Variants in PIP5K1C observed in about 807,000 individuals in gnomAD.
PIP5K1C encodes the protein phosphatidylinositol-4-phosphate 5-kinase type 1 gamma, also known as phosphatidylinositol 4-phosphate 5-kinase type-1 gamma.
PIP5K1C carries 45 observed loss-of-function variants against 80.1 expected under a neutral mutation model. The ratio of observed to expected loss-of-function variants is 0.56; its 90% CI spans 0.44 to 0.72. The LOEUF (loss-of-function observed/expected upper bound fraction) is 0.72. Among genes scored for constraint, PIP5K1C ranks in the 30% least tolerant of loss-of-function variants. The probability of loss-of-function intolerance (pLI) is 0.00; values close to 1 mark genes in which losing one functional copy is unlikely to be tolerated. For missense variants in PIP5K1C, 753 were observed against 954.6 expected (o/e 0.79, Z 2.78); for synonymous variants, 498 against 420.1 (o/e 1.19, Z -2.27).
intron 1 of PIP5K1C, among the ~76,000 whole-genome samples, chr19:3,682,015 C>A (rs539011216): frequency 3.3e-5 from 5 of 152,194 alleles, no homozygotes; most frequent in African/African-American, 1.2e-4. Context: ...GCTGGTCTGA[C>A]CCCGTCACCA....
chr19:3,647,674 C>T (rs1427251231), intron 9 of PIP5K1C, among the ~76,000 whole-genome samples: 5 of 152,192 alleles, frequency 3.3e-5, no homozygotes, highest in African/African-American at 7.2e-5. Flanking sequence ...CAGCTGAGCA[C>T]GGTGGCTCAC....
chr19:3,657,707 T>A (rs1300370658), intron 5 of PIP5K1C, among the ~76,000 whole-genome samples: 1 of 151,476 alleles, frequency 6.6e-6, no homozygotes, highest in Non-Finnish European at 1.5e-5. Context: ...AGGAGGATCA[T>A]TTGAGCCCAG....
chr19:3,678,604 A>C (rs1344095212), intron 1 of PIP5K1C, among the ~76,000 whole-genome samples: 2 of 94,606 alleles, frequency 2.1e-5, no homozygotes, highest in Admixed American at 2.1e-4. Flanking sequence ...GGAGGGATGG[A>C]GGGGTGGAAG....
chr19:3,653,977 C>T (rs1410682438), intron 6 of PIP5K1C, among the ~76,000 whole-genome samples: 1 of 152,236 alleles, frequency 6.6e-6, no homozygotes, highest in African/African-American at 2.4e-5. Context: ...TATATGCACA[C>T]ACAAACACAT....
Position 3,637,151 on chromosome 19 carries a change from G to A in PIP5K1C, c.1920+1733C>T, listed in dbSNP as rs1460154810. On this transcript the variant is annotated intron_variant, in intron 16 of 17. Transcript: ENST00000335312. This position sits in a 1 kb window ranked among gnomAD's most constrained non-coding sequence, Gnocchi z 7.0. ...TCCCCTGTGCAGCCAGCGGGGCCACGGGCAGCCAGGTCTGCACGAGTGAGA... is the reference window on the plus strand; with the variant it reads ...TCCCCTGTGCAGCCAGCGGGGCCACAGGCAGCCAGGTCTGCACGAGTGAGA... 9 of 1,401,994 alleles carry A rather than the reference G, an allele frequency of 6.4e-6. No homozygotes were observed. The highest frequency in any genetic ancestry group is 1.5e-5 in the African/African-American group (1 of 68,934). 86.8% of individuals were successfully genotyped at this position (1,401,994 alleles called of 1,614,324 possible).
Position 3,637,256 on chromosome 19 carries a change from C to T in PIP5K1C, c.1920+1628G>A, listed in dbSNP as rs559133899. 23 of 1,459,366 alleles carry T rather than the reference C, an allele frequency of 1.6e-5. No individual in the cohort carries two copies. The East Asian group carries it at 1.7e-4, about 11-fold the overall frequency. The allele number at this position is 1,459,366 out of a possible 1,614,324, so 90.4% of individuals were successfully genotyped here. On this transcript the variant is annotated intron_variant, in intron 16 of 17. Coordinates refer to ENST00000335312, the MANE Select transcript of PIP5K1C (RefSeq NM_012398.3). The surrounding 1 kb of genome is among the most constrained non-coding windows in gnomAD (Gnocchi z 7.0). The stretch of plus-strand genomic sequence containing the variant: ...GGCTCGCTGGGGTCTGGCCGGGGTC[C>T]GAAGCAGACCCTGGGCCTCAGCTGT...
chr19:3,661,128 C>A (rs747795342), intron 4 of PIP5K1C, 45 bp from the exon 5 acceptor site: 41 of 1,316,346 alleles, frequency 3.1e-5, no homozygotes, highest in Non-Finnish European at 3.5e-5. Context: ...GTGGTGGGCA[C>A]CTCTCCCCCA....
chr19:3,648,021 T>C lies in PIP5K1C; in HGVS notation c.1211+604A>G, dbSNP rs2034301480. Among the ~76,000 whole-genome samples the C allele has an allele frequency of 6.6e-6, 1 of 152,032 alleles. No individual in the cohort carries two copies. The highest frequency in any genetic ancestry group is 6.6e-5 in the Admixed American group (1 of 15,262). Reference sequence around the variant, plus strand: ...AGGCCTCAAACCCACTCCTTGGATTTTCTTTTTTCTTTTTTTTTGGGACAG... The same window carrying C: ...AGGCCTCAAACCCACTCCTTGGATTCTCTTTTTTCTTTTTTTTTGGGACAG... On this transcript the variant is annotated intron_variant, in intron 9 of 17. Coordinates refer to ENST00000335312, the MANE Select transcript of PIP5K1C (RefSeq NM_012398.3). The surrounding 1 kb of genome is among the most constrained non-coding windows in gnomAD (Gnocchi z 4.3).
intron 17 of PIP5K1C, 129 bp downstream of exon 17, chr19:3,633,308 G>A (rs1655473792): frequency 2.9e-6 from 2 of 693,414 alleles, no homozygotes; most frequent in Non-Finnish European, 2.5e-6. Context: ...AGAGCCCAGG[G>A]TGGAGCTCTG....
chr19:3,638,443 AGGTCCT>A (rs2033799887), intron 16 of PIP5K1C, among the ~76,000 whole-genome samples: 1 of 152,224 alleles, frequency 6.6e-6, no homozygotes, highest in Non-Finnish European at 1.5e-5. Context: ...AACAGGGAGA[AGGTCCT>A]GCCGCCACAG....
intron 1 of PIP5K1C, among the ~76,000 whole-genome samples, chr19:3,690,102 A>T (rs1409660231): frequency 6.8e-6 from 1 of 146,828 alleles, no homozygotes. Flanking sequence ...TGCAAGTCTG[A>T]TTACTTTTTT....
At chr19:3,687,689 A>T (rs1201490917) in intron 1 of PIP5K1C, among the ~76,000 whole-genome samples, 1 of 152,044 alleles carries the variant, frequency 6.6e-6, no homozygotes, top group Non-Finnish European at 1.5e-5. Context: ...GCTGGAGGGG[A>T]GGGTACACCT....
intron 12 of PIP5K1C, among the ~76,000 whole-genome samples, chr19:3,643,861 C>T (rs542010521): frequency 2.6e-5 from 4 of 152,166 alleles, no homozygotes; most frequent in African/African-American, 4.8e-5. Context: ...TGAGAGAAGG[C>T]GGGAGCTGTC....
At position 3,637,740 on chromosome 19, in the gene PIP5K1C, C is replaced by T; in HGVS notation, c.1920+1144G>A. 6.6e-7 allele frequency: 1 copy of T among 1,525,360 alleles called. No homozygotes were observed. The highest frequency in any genetic ancestry group is 8.8e-7 in the Non-Finnish European group (1 of 1,142,012). 94.5% of individuals were successfully genotyped at this position (1,525,360 alleles called of 1,614,324 possible). On this transcript the variant is annotated intron_variant, in intron 16 of 17. Transcript: ENST00000335312. This position sits in a 1 kb window ranked among gnomAD's most constrained non-coding sequence, Gnocchi z 7.0. ...GCGGGGAGCAGGTGGGGACAGCTGA[C>T]TGCCAAGCAGAAGGTGGGGGGTGCC... is the stretch of plus-strand genomic sequence containing the variant.
chr19:3,675,562 G>C (rs2035331849), intron 1 of PIP5K1C, among the ~76,000 whole-genome samples: 1 of 152,174 alleles, frequency 6.6e-6, no homozygotes, highest in Non-Finnish European at 1.5e-5. Flanking sequence ...GGCTGGTGCC[G>C]ACCCTCAGCT....
At chr19:3,681,369 T>C (rs890711659) in intron 1 of PIP5K1C, among the ~76,000 whole-genome samples, 2 of 152,054 alleles carry the variant, frequency 1.3e-5, no homozygotes, top group Non-Finnish European at 2.9e-5. Flanking sequence ...TAGCTGGGAT[T>C]ACAGGCGTTC....
intron 1 of PIP5K1C, among the ~76,000 whole-genome samples, chr19:3,687,240 T>C (rs2035787150): frequency 6.6e-6 from 1 of 151,666 alleles, no homozygotes; most frequent in Non-Finnish European, 1.5e-5. Flanking sequence ...CACATGCCTG[T>C]AGTCCCAGCT....
In PIP5K1C at chr19:3,639,074, G is replaced by A. The variant is rs112661060; in HGVS notation, c.1788-58C>T. The A allele has an allele frequency of 9.4e-4, 1,492 of 1,589,084 alleles. 10 individuals are homozygous for A. The African/African-American group carries it at 0.017, about 18-fold the overall frequency. On this transcript the variant is annotated intron_variant, in intron 15 of 17. Transcript: ENST00000335312. ...CTCAGGCCCCACACGGAGACTCCCC[G>A]CGCCCCCACTCAGGACCCAGGCAGG... is the stretch of plus-strand genomic sequence containing the variant.
intron 13 of PIP5K1C, 135 bp downstream of exon 13, chr19:3,643,108 C>T: frequency 6.7e-7 from 1 of 1,484,976 alleles, no homozygotes. Context: ...CACCCACATG[C>T]AGTGTATGTA....
Sources: gnomAD v4.1 joint callset for allele counts (sites outside exome capture counted in the v4.1 genomes callset) on GRCh38, gnomAD v4.1.1 for gene constraint, Gnocchi (gnomAD v3.1) non-coding constraint, MANE v1.5 for transcripts, NCBI Gene and HGNC (gene_info 2026-07-23, HGNC 2026-07-21) for gene names.